The following LOC128092252 variants were observed in gnomAD, a reference collection of about 807,000 sequenced individuals.
chr15:50,673,163 ACATTCACTCAC>A, the LOC128092252 span, among the ~76,000 whole-genome samples: 2 of 151,876 alleles, frequency 1.3e-5, no homozygotes, highest in African/African-American at 4.9e-5. Context: ...CTAGGCCTTC[ACATTCACTCAC>A]CACTCACTCA....
the LOC128092252 span, among the ~76,000 whole-genome samples, chr15:50,673,298 G>A: frequency 6.6e-6 from 1 of 151,990 alleles, no homozygotes; most frequent in Non-Finnish European, 1.5e-5. Context: ...TAGGTTATTG[G>A]AAACAGGTAG....
At chr15:50,685,321 G>A in the LOC128092252 span, among the ~76,000 whole-genome samples, 2 of 152,176 alleles carry the variant, frequency 1.3e-5, no homozygotes, top group Non-Finnish European at 2.9e-5. Context: ...AAAATTAGCC[G>A]GGCATGGTGG....
the LOC128092252 span, chr15:50,686,544 G>T: frequency 6.2e-7 from 1 of 1,610,352 alleles, no homozygotes; most frequent in South Asian, 1.1e-5. Context: ...TCTCCTCACG[G>T]GGCGGACTCC....
chr15:50,668,551 A>G, the LOC128092252 span, among the ~76,000 whole-genome samples: 19 of 152,320 alleles, frequency 1.2e-4, no homozygotes, highest in Admixed American at 3.9e-4. Flanking sequence ...TCTGTTGCCC[A>G]GGCTGGAGGG....
the LOC128092252 span, among the ~76,000 whole-genome samples, chr15:50,659,110 A>T: frequency 4.6e-5 from 7 of 151,972 alleles, no homozygotes; most frequent in Non-Finnish European, 1.5e-5. Flanking sequence ...AGGAAAGAGA[A>T]TGGCCTGAAC....
the LOC128092252 span, chr15:50,657,686 G>T: frequency 1.8e-6 from 2 of 1,102,404 alleles, no homozygotes; most frequent in Non-Finnish European, 2.7e-6. Context: ...ATAATAGCAT[G>T]TGAGTTTCAT....
At chr15:50,652,525 CAAAAA>C in the LOC128092252 span, among the ~76,000 whole-genome samples, 1 of 128,086 alleles carries the variant, frequency 7.8e-6, no homozygotes, top group Non-Finnish European at 1.6e-5. Flanking sequence ...GACTCTGTCT[CAAAAA>C]AAAAAAAAAA....
chr15:50,678,800 C>A, the LOC128092252 span, among the ~76,000 whole-genome samples: 1 of 152,000 alleles, frequency 6.6e-6, no homozygotes, highest in South Asian at 2.1e-4. Flanking sequence ...GAGGCCAAGG[C>A]AAGAGGACCA....
the LOC128092252 span, among the ~76,000 whole-genome samples, chr15:50,670,992 T>C: frequency 1.3e-5 from 2 of 152,126 alleles, no homozygotes; most frequent in Non-Finnish European, 2.9e-5. Context: ...AAAAGGGGGC[T>C]ACTATACATT....
the LOC128092252 span, among the ~76,000 whole-genome samples, chr15:50,652,655 CGT>C: frequency 3.9e-4 from 41 of 104,462 alleles, no homozygotes; most frequent in African/African-American, 1.3e-3. Context: ...CCAAAAAAAT[CGT>C]TTAAGTGGGT....
chr15:50,651,350 A>C, the LOC128092252 span, among the ~76,000 whole-genome samples: 1 of 152,248 alleles, frequency 6.6e-6, no homozygotes, highest in Non-Finnish European at 1.5e-5. Flanking sequence ...TCCAACTATT[A>C]AGACCATGCT....
At chr15:50,650,212 A>C in the LOC128092252 span, among the ~76,000 whole-genome samples, 1 of 148,178 alleles carries the variant, frequency 6.7e-6, no homozygotes, top group Non-Finnish European at 1.5e-5. Context: ...AAAAAAAAAA[A>C]AAAAAAAAAG....
the LOC128092252 span, among the ~76,000 whole-genome samples, chr15:50,670,428 A>G: frequency 6.6e-6 from 1 of 152,136 alleles, no homozygotes; most frequent in Non-Finnish European, 1.5e-5. Flanking sequence ...TGCACTAAAA[A>G]AGCTAGCCAA....
chr15:50,656,083 C>T, the LOC128092252 span, among the ~76,000 whole-genome samples: 148,446 of 151,954 alleles, frequency 0.98, 72,613 homozygotes, highest in Middle Eastern at 1. Context: ...ATTCTTCAAA[C>T]ATGAAAATAA....
At chr15:50,683,877 CTT>C in the LOC128092252 span, among the ~76,000 whole-genome samples, 1 of 148,962 alleles carries the variant, frequency 6.7e-6, no homozygotes, top group African/African-American at 2.5e-5. Flanking sequence ...CTGATCAAGT[CTT>C]TTTTTTTTGA....
chr15:50,664,202 G>A, the LOC128092252 span, among the ~76,000 whole-genome samples: 2 of 151,234 alleles, frequency 1.3e-5, no homozygotes, highest in African/African-American at 4.9e-5. Context: ...GGAGGCTGAG[G>A]CAGGAGAATC....
At chr15:50,653,320 A>G in the LOC128092252 span, among the ~76,000 whole-genome samples, 1 of 152,206 alleles carries the variant, frequency 6.6e-6, no homozygotes, top group African/African-American at 2.4e-5. Flanking sequence ...ACAAAACTGA[A>G]TGTCTGTTCA....
the LOC128092252 span, among the ~76,000 whole-genome samples, chr15:50,677,738 C>CAA: frequency 0.018 from 682 of 37,994 alleles, 22 homozygotes; most frequent in Admixed American, 0.022. Flanking sequence ...GACCCCGTAT[C>CAA]AAAAAAAAAA....
At chr15:50,678,486 T>C in the LOC128092252 span, among the ~76,000 whole-genome samples, 1 of 136,216 alleles carries the variant, frequency 7.3e-6, no homozygotes, top group African/African-American at 2.7e-5. Context: ...TTACAGACCC[T>C]ACTCTCTAGT....
Sources: gnomAD v4.1 joint callset for allele counts (sites outside exome capture counted in the v4.1 genomes callset) on GRCh38, gnomAD v4.1.1 for gene constraint, MANE v1.5 for transcripts.